AIM2: variants seen among roughly 807,000 people sequenced by gnomAD.
AIM2 encodes the protein absent in melanoma 2.
In AIM2, 30 loss-of-function variants were observed where a neutral mutation model predicts 27.7. The ratio of observed to expected loss-of-function variants is 1.08; its 90% CI spans 0.81 to 1.47. The LOEUF (loss-of-function observed/expected upper bound fraction) is 1.47, where lower values mean the gene tolerates loss of function less well. Ranked by LOEUF, AIM2 falls within the 40% of genes most tolerant of loss-of-function variation. The probability of loss-of-function intolerance (pLI) is 0.00; values close to 1 mark genes in which losing one functional copy is unlikely to be tolerated. For synonymous variants in AIM2, 141 were observed against 145.3 expected (o/e 0.97, Z 0.21); for missense variants, 358 against 411.3 (o/e 0.87, Z 1.12).
chr1:159,105,445 C>T (rs1367082173), intron 1 of AIM2, among the ~76,000 whole-genome samples: 1 of 152,180 alleles, frequency 6.6e-6, no homozygotes, highest in Non-Finnish European at 1.5e-5. Context: ...TGTGTTACAG[C>T]TCTTTCAGTC....
intron 1 of AIM2, among the ~76,000 whole-genome samples, chr1:159,075,433 T>A (rs1357386858): frequency 6.6e-6 from 1 of 151,638 alleles, no homozygotes; most frequent in Non-Finnish European, 1.5e-5. Context: ...TGTGATTGCA[T>A]GCATATTCTC....
At chr1:159,139,463 G>T (rs867992955) in intron 1 of AIM2, among the ~76,000 whole-genome samples, 2 of 152,216 alleles carry the variant, frequency 1.3e-5, no homozygotes, top group Middle Eastern at 3.4e-3. Context: ...CTCTATATTT[G>T]CACAGTGCTG....
intron 1 of AIM2, among the ~76,000 whole-genome samples, chr1:159,125,768 A>G (rs1647668840): frequency 6.6e-6 from 1 of 152,158 alleles, no homozygotes; most frequent in Non-Finnish European, 1.5e-5. Flanking sequence ...AGAGAAAAAG[A>G]GGAGAGAGGA....
intron 1 of AIM2, among the ~76,000 whole-genome samples, chr1:159,114,131 A>G (rs1647264908): frequency 6.6e-6 from 1 of 152,208 alleles, no homozygotes; most frequent in South Asian, 2.1e-4. Context: ...GGGAGTTCAC[A>G]ACTTAGAGTA....
At chr1:159,114,456 C>G (rs1367553047) in intron 1 of AIM2, among the ~76,000 whole-genome samples, 1 of 152,170 alleles carries the variant, frequency 6.6e-6, no homozygotes, top group East Asian at 1.9e-4. Context: ...CATGGTGGCT[C>G]ATGCTTGTAA....
chr1:159,127,895 A>G (rs570178506), intron 1 of AIM2, among the ~76,000 whole-genome samples: 73 of 152,256 alleles, frequency 4.8e-4, no homozygotes, highest in African/African-American at 1.7e-3. Context: ...TCATCTCCCT[A>G]CTTCTCATGT....
At chr1:159,143,436 T>C (rs1024553464), upstream of AIM2, among the ~76,000 whole-genome samples, 1 of 152,114 alleles carries the variant, frequency 6.6e-6, no homozygotes, top group African/African-American at 2.4e-5. Context: ...GAGTGGCTAG[T>C]AACAAGGTGC....
intron 1 of AIM2, among the ~76,000 whole-genome samples, chr1:159,110,409 T>C (rs1013931847): frequency 1.3e-5 from 2 of 152,188 alleles, no homozygotes; most frequent in African/African-American, 2.4e-5. Flanking sequence ...TATCTGACCA[T>C]AGTCAGACTG....
At chr1:159,110,647 G>A (rs927425481) in intron 1 of AIM2, among the ~76,000 whole-genome samples, 1 of 152,150 alleles carries the variant, frequency 6.6e-6, no homozygotes. Context: ...AGAGCAATCA[G>A]TACCTTTAAT....
chr1:159,123,144 ATC>A (rs772843242), intron 1 of AIM2, among the ~76,000 whole-genome samples: 2 of 152,182 alleles, frequency 1.3e-5, no homozygotes, highest in Non-Finnish European at 2.9e-5. Context: ...GACTAATAAA[ATC>A]TCTGTCATTA....
chr1:159,068,825 T>G, intron 2 of AIM2, 124 bp from the exon 3 acceptor site: 5 of 1,015,984 alleles, frequency 4.9e-6, no homozygotes, highest in South Asian at 1.7e-5. Context: ...AGCTAATTTT[T>G]CTTAAAAAAA....
rs12040231 is a variant in AIM2, at chr1:159,086,704, G to A, written c.-15-20375C>T. Among the ~76,000 whole-genome samples the A allele has an allele frequency of 1.8e-3, 274 of 152,284 alleles. 4 individuals are homozygous for A. In the East Asian group the frequency reaches 0.05, roughly 28 times the overall value. On this transcript the variant is annotated intron_variant, in intron 1 of 2. Transcript: ENST00000368129. The stretch of plus-strand genomic sequence containing the variant: ...ACTCACAGGCTTGGGCACTACACCC[G>A]TGCAAGTTAAAATCCCTGCTCCACC...
intron 1 of AIM2, among the ~76,000 whole-genome samples, chr1:159,091,298 A>G (rs145607993): frequency 1.5e-4 from 23 of 152,326 alleles, no homozygotes; most frequent in Middle Eastern, 6.8e-3. Context: ...GTCCAATCCT[A>G]TTAATACCTT....
chr1:159,063,453 T>G (rs1440011678), intron 5 of AIM2, 33 bp downstream of exon 5: 1 of 1,585,152 alleles, frequency 6.3e-7, no homozygotes, highest in Non-Finnish European at 8.6e-7. Context: ...ATCACCCCCT[T>G]GGAGAGTTGA....
chr1:159,138,721 C>T (rs149094058), intron 1 of AIM2, among the ~76,000 whole-genome samples: 37 of 152,284 alleles, frequency 2.4e-4, no homozygotes, highest in African/African-American at 7.7e-4. Context: ...TTTCTCTTTC[C>T]TATCTATATA....
intron 1 of AIM2, among the ~76,000 whole-genome samples, chr1:159,111,814 ACT>A (rs1308979266): frequency 1.7e-4 from 25 of 146,870 alleles, no homozygotes; most frequent in East Asian, 5.9e-4. Flanking sequence ...AAAAAAAAAA[ACT>A]ATCTATCTAT....
the AIM2 span, among the ~76,000 whole-genome samples, chr1:159,057,213 A>G: frequency 0.11 from 17,031 of 152,170 alleles, 1,242 homozygotes; most frequent in East Asian, 0.31. Flanking sequence ...ATACCCATGT[A>G]TGCCCTATTC....
downstream of AIM2, among the ~76,000 whole-genome samples, chr1:159,062,060 C>CT (rs566006758): frequency 6.0e-5 from 9 of 150,620 alleles, no homozygotes; most frequent in African/African-American, 9.8e-5. Flanking sequence ...GTTGTTGTAG[C>CT]TTTTTTTTTA....
At chr1:159,121,740 A>G (rs1647540033) in intron 1 of AIM2, among the ~76,000 whole-genome samples, 1 of 152,192 alleles carries the variant, frequency 6.6e-6, no homozygotes, top group African/African-American at 2.4e-5. Flanking sequence ...AGAACTAAAC[A>G]AGAAACTGAT....
Sources: allele counts gnomAD v4.1 joint callset (sites outside exome capture counted in the v4.1 genomes callset), GRCh38; gene constraint gnomAD v4.1.1; transcripts MANE v1.5; gene names NCBI Gene and HGNC (gene_info 2026-07-23, HGNC 2026-07-21).